The following LYPD6B variants were observed in gnomAD, a reference collection of about 807,000 sequenced individuals.
LYPD6B encodes the protein ly6/PLAUR domain-containing protein 6B.
LYPD6B carries 17 observed loss-of-function variants against 22.8 expected under a neutral mutation model. The observed-to-expected ratio is 0.75, with a 90% CI of 0.51 to 1.12. The LOEUF is 1.12. Ranked by LOEUF, LYPD6B falls within the 50% of genes most tolerant of loss-of-function variation. The pLI is 0.00. For synonymous variants in LYPD6B, 106 were observed against 91.6 expected (o/e 1.16, Z -0.90); for missense variants, 221 against 258.3 (o/e 0.86, Z 0.99).
rs78564370 is a variant in LYPD6B at position 149,135,304 on chromosome 2, C to G, written c.5+4351C>G. Among the ~76,000 whole-genome samples, 1,216 of 151,034 alleles carry G rather than the reference C, an allele frequency of 8.1e-3. 14 individuals are homozygous for G. The highest frequency in any genetic ancestry group is 0.028 in the African/African-American group (1,168 of 41,122). ...AGTTGTGTCTGATTTTCCCAGGGTC[C>G]CTTTGTAATGTCAATTGTAAACTAT... On this transcript the variant is annotated intron_variant, in intron 2 of 6. Coordinates refer to ENST00000409642, the MANE Select transcript of LYPD6B (RefSeq NM_177964.5).
chr2:149,155,115 CTT>C (rs1436670060), intron 2 of LYPD6B, among the ~76,000 whole-genome samples: 1 of 152,142 alleles, frequency 6.6e-6, no homozygotes, highest in Admixed American at 6.5e-5. Flanking sequence ...AAAATTACCT[CTT>C]TGCTTGAGGC....
intron 1 of LYPD6B, among the ~76,000 whole-genome samples, chr2:149,109,544 G>GT (rs1686656332): frequency 6.6e-6 from 1 of 151,850 alleles, no homozygotes; most frequent in Non-Finnish European, 1.5e-5. Context: ...TCTCAAATCT[G>GT]TAAGTTTATA....
chr2:149,143,359 T>C (rs1168020596), intron 2 of LYPD6B, among the ~76,000 whole-genome samples: 1 of 152,062 alleles, frequency 6.6e-6, no homozygotes, highest in Non-Finnish European at 1.5e-5. Flanking sequence ...ACAATGAGTT[T>C]ATGATCTGGG....
chr2:149,195,000 C>T (rs1196963616), intron 3 of LYPD6B, among the ~76,000 whole-genome samples: 2 of 152,020 alleles, frequency 1.3e-5, no homozygotes, highest in Non-Finnish European at 2.9e-5. Context: ...ATAATTTCCA[C>T]GTGGGTAACT....
intron 3 of LYPD6B, among the ~76,000 whole-genome samples, chr2:149,161,186 G>A (rs1005515353): frequency 1.3e-5 from 2 of 152,184 alleles, no homozygotes; most frequent in Non-Finnish European, 2.9e-5. Flanking sequence ...CGTCGGGGGT[G>A]TGGAGCAATG....
intron 1 of LYPD6B, among the ~76,000 whole-genome samples, chr2:149,085,777 A>G (rs1002008803): frequency 2.6e-5 from 4 of 152,250 alleles, no homozygotes; most frequent in Admixed American, 6.5e-5. Flanking sequence ...AGTAACTTGT[A>G]TGTTAAGGTA....
intron 1 of LYPD6B, among the ~76,000 whole-genome samples, chr2:149,114,343 G>C (rs894684377): frequency 3.9e-5 from 6 of 152,184 alleles, no homozygotes; most frequent in African/African-American, 1.4e-4. Flanking sequence ...TTGGAAAAGT[G>C]TTAGCATTTT....
intron 1 of LYPD6B, among the ~76,000 whole-genome samples, chr2:149,104,593 A>G (rs1166547533): frequency 6.6e-6 from 1 of 152,184 alleles, no homozygotes; most frequent in Non-Finnish European, 1.5e-5. Context: ...TGTTTTGAGC[A>G]TTCTTATATA....
intron 3 of LYPD6B, among the ~76,000 whole-genome samples, chr2:149,203,797 C>T (rs1171169223): frequency 2.6e-5 from 4 of 152,112 alleles, no homozygotes; most frequent in Admixed American, 1.3e-4. Context: ...CAAACACCAT[C>T]GATAGGGATG....
intron 1 of LYPD6B, among the ~76,000 whole-genome samples, chr2:149,100,373 A>G (rs1281952260): frequency 1.5e-5 from 2 of 130,920 alleles, no homozygotes; most frequent in Admixed American, 9.4e-5. Context: ...CCCCTTTTGG[A>G]TCTTCTAAAA....
chr2:149,125,242 A>G (rs191314150), intron 1 of LYPD6B, among the ~76,000 whole-genome samples: 4 of 152,304 alleles, frequency 2.6e-5, no homozygotes, highest in African/African-American at 9.6e-5. Flanking sequence ...TGCCAAAGTC[A>G]AACAACGCCT....
chr2:149,076,939 G>A (rs1684905533), intron 1 of LYPD6B, among the ~76,000 whole-genome samples: 1 of 152,154 alleles, frequency 6.6e-6, no homozygotes. Flanking sequence ...GTTAGAGTTG[G>A]TTCTGTGGGG....
intron 2 of LYPD6B, among the ~76,000 whole-genome samples, chr2:149,148,528 C>A (rs1055955997): frequency 6.6e-6 from 1 of 152,240 alleles, no homozygotes; most frequent in Admixed American, 6.5e-5. Flanking sequence ...CATAGTAGCT[C>A]TGAACCATCT....
At chr2:149,138,194 T>C (rs557295070) in intron 2 of LYPD6B, among the ~76,000 whole-genome samples, 1 of 152,338 alleles carries the variant, frequency 6.6e-6, no homozygotes, top group African/African-American at 2.4e-5. Context: ...AATATATGGA[T>C]TCAGACTCTT....
intron 3 of LYPD6B, among the ~76,000 whole-genome samples, chr2:149,182,744 A>G (rs984586921): frequency 6.6e-5 from 10 of 152,202 alleles, no homozygotes; most frequent in African/African-American, 2.4e-4. Flanking sequence ...ATATACTGTT[A>G]TTTACTGAAG....
intron 3 of LYPD6B, among the ~76,000 whole-genome samples, chr2:149,185,098 C>T (rs370378791): frequency 3.9e-4 from 60 of 152,284 alleles, no homozygotes; most frequent in South Asian, 3.7e-3. Context: ...AGAGGGAGAC[C>T]GGCATCTCCT....
chr2:149,138,427 C>T (rs1688492860), intron 2 of LYPD6B, among the ~76,000 whole-genome samples: 1 of 152,192 alleles, frequency 6.6e-6, no homozygotes, highest in African/African-American at 2.4e-5. Context: ...TTTATCTTTG[C>T]CACATAAGCA....
At chr2:149,210,603 A>G (rs1693783470) in intron 5 of LYPD6B, among the ~76,000 whole-genome samples, 1 of 152,016 alleles carries the variant, frequency 6.6e-6, no homozygotes, top group Non-Finnish European at 1.5e-5. Context: ...TTACAGCTTC[A>G]CTTCTGTGGT....
chr2:149,128,170 C>T (rs1030528177), intron 1 of LYPD6B, among the ~76,000 whole-genome samples: 1 of 152,090 alleles, frequency 6.6e-6, no homozygotes, highest in African/African-American at 2.4e-5. Flanking sequence ...CCATCATTTG[C>T]TTCTTGAAAA....
Sources: gnomAD v4.1 joint callset for allele counts (sites outside exome capture counted in the v4.1 genomes callset) on GRCh38, gnomAD v4.1.1 for gene constraint, MANE v1.5 for transcripts, NCBI Gene and HGNC (gene_info 2026-07-23, HGNC 2026-07-21) for gene names.